The following SYT9 variants were observed in gnomAD, a reference collection of about 807,000 sequenced individuals.
The protein encoded by SYT9 is synaptotagmin 9.
A neutral mutation model predicts 48.4 loss-of-function variants in SYT9; 22 were observed. The observed-to-expected ratio is 0.45, with a 90% CI of 0.32 to 0.65. The LOEUF is 0.65. Ranked by LOEUF, SYT9 falls within the 30% of genes least tolerant of loss-of-function variation. The pLI is 0.03. For synonymous variants in SYT9, 265 were observed against 245.0 expected (o/e 1.08, Z -0.76); for missense variants, 577 against 622.0 (o/e 0.93, Z 0.77).
intron 2 of SYT9, among the ~76,000 whole-genome samples, chr11:7,308,919 T>A (rs1046357078): frequency 1.7e-4 from 26 of 152,212 alleles, no homozygotes; most frequent in Admixed American, 1.7e-3. Flanking sequence ...TTAATTCACA[T>A]CTGAGGAAAG....
At chr11:7,457,284 C>A (rs1337089854) in intron 6 of SYT9, 1 of 152,198 alleles carries the variant, frequency 6.6e-6, no homozygotes, top group Non-Finnish European at 1.5e-5. Context: ...TCTGAAGATC[C>A]TGTGGTATGA....
chr11:7,371,433 T>C lies in SYT9; in HGVS notation c.1045-44609T>C, dbSNP rs190543772. Among the ~76,000 whole-genome samples, 343 of 152,250 alleles carry C rather than the reference T, an allele frequency of 2.3e-3. 2 individuals carry two copies. The highest frequency in any genetic ancestry group is 4.9e-3 in the Admixed American group (75 of 15,288). The stretch of plus-strand genomic sequence containing the variant: ...CATAATTTTTAAGATTTTTTCTATG[T>C]ACATTATATTTTTGCTGCCATTGAG... On this transcript the variant is annotated intron_variant, in intron 3 of 6. Coordinates refer to ENST00000318881, the MANE Select transcript of SYT9 (RefSeq NM_175733.4).
intron 1 of SYT9, among the ~76,000 whole-genome samples, chr11:7,284,142 A>C (rs1400297878): frequency 6.6e-6 from 1 of 152,172 alleles, no homozygotes; most frequent in African/African-American, 2.4e-5. Flanking sequence ...TAAACAAGGA[A>C]AGCATCTTTT....
At chr11:7,432,148 T>G (rs192168204) in intron 6 of SYT9, among the ~76,000 whole-genome samples, 1 of 152,304 alleles carries the variant, frequency 6.6e-6, no homozygotes, top group African/African-American at 2.4e-5. Flanking sequence ...GGGCCAACCC[T>G]GCAAAACCAT....
chr11:7,411,127 T>A lies in SYT9; in HGVS notation c.1045-4915T>A, dbSNP rs538784535. On this transcript the variant is annotated intron_variant, in intron 3 of 6. Transcript: ENST00000318881. ...GCCTCGGCATCCCAAAATGCTAGGA[T>A]TGCAGGTGTGAGCCACCATGCCCGG... is the stretch of plus-strand genomic sequence containing the variant. Among the ~76,000 whole-genome samples the A allele has an allele frequency of 5.1e-4, 77 of 152,380 alleles. 1 individual carries two copies. Among genetic ancestry groups the A allele is most frequent in the Admixed American group, 1.0e-3 (16 of 15,310 alleles).
intron 1 of SYT9, among the ~76,000 whole-genome samples, chr11:7,267,403 G>A (rs1050198703): frequency 1.4e-4 from 21 of 151,594 alleles, no homozygotes; most frequent in Admixed American, 3.3e-4. Context: ...GGTAAAAATC[G>A]CATGGGCCAC....
chr11:7,298,949 C>G (rs1404109159), intron 1 of SYT9, among the ~76,000 whole-genome samples: 1 of 152,168 alleles, frequency 6.6e-6, no homozygotes, highest in Non-Finnish European at 1.5e-5. Context: ...GGATTTGGAT[C>G]AGAACTGGTT....
intron 1 of SYT9, among the ~76,000 whole-genome samples, chr11:7,255,707 A>T (rs1032881585): frequency 1.3e-5 from 2 of 152,190 alleles, no homozygotes; most frequent in East Asian, 3.9e-4. Context: ...TTCCATGTAC[A>T]AGTAGAAGTC....
At chr11:7,341,572 A>T (rs982758188) in intron 3 of SYT9, among the ~76,000 whole-genome samples, 1 of 152,166 alleles carries the variant, frequency 6.6e-6, no homozygotes, top group South Asian at 2.1e-4. Flanking sequence ...CCTCAGCCAT[A>T]TGGAACTGAA....
chr11:7,447,502 TC>T (rs1847956077), intron 6 of SYT9, among the ~76,000 whole-genome samples: 1 of 152,194 alleles, frequency 6.6e-6, no homozygotes, highest in South Asian at 2.1e-4. Context: ...TACACAAAGC[TC>T]CCTCACAAAC....
intron 1 of SYT9, among the ~76,000 whole-genome samples, chr11:7,273,760 A>AT (rs1848337728): frequency 6.6e-6 from 1 of 152,204 alleles, no homozygotes; most frequent in Non-Finnish European, 1.5e-5. Flanking sequence ...TACTGGATTT[A>AT]TTTTAAAATC....
chr11:7,449,703 T>C (rs1161233556), intron 6 of SYT9, among the ~76,000 whole-genome samples: 1 of 152,142 alleles, frequency 6.6e-6, no homozygotes. Context: ...CAAAGTCTGC[T>C]TCACCCACAG....
At chr11:7,328,201 A>G (rs1473151478) in intron 3 of SYT9, among the ~76,000 whole-genome samples, 1 of 151,956 alleles carries the variant, frequency 6.6e-6, no homozygotes, top group African/African-American at 2.4e-5. Flanking sequence ...TGTTGTAAGC[A>G]AAGTATAGCT....
intron 1 of SYT9, among the ~76,000 whole-genome samples, chr11:7,282,926 G>GCACACACACACACACA (rs151278873): frequency 7.4e-6 from 1 of 135,654 alleles, no homozygotes; most frequent in African/African-American, 2.7e-5. Flanking sequence ...ACACACACAC[G>GCACACACACACACACA]CACACACACA....
intron 3 of SYT9, among the ~76,000 whole-genome samples, chr11:7,330,583 GTCTA>G (rs1410817393): frequency 2.0e-5 from 3 of 152,180 alleles, no homozygotes; most frequent in South Asian, 4.1e-4. Context: ...AAATATTTCT[GTCTA>G]TCTAGGAAGA....
At chr11:7,457,961 T>G (rs1311589749) in intron 6 of SYT9, 1 of 152,250 alleles carries the variant, frequency 6.6e-6, no homozygotes, top group Non-Finnish European at 1.5e-5. Context: ...GTAAGAATTC[T>G]GTTCAAGTAA....
At chr11:7,270,920 C>A (rs1042519418) in intron 1 of SYT9, among the ~76,000 whole-genome samples, 4 of 151,670 alleles carry the variant, frequency 2.6e-5, no homozygotes, top group Non-Finnish European at 5.9e-5. Flanking sequence ...TTGCAGGTAA[C>A]TGCAAAGCCT....
rs1035518249 is a variant in SYT9 at position 7,382,145 on chromosome 11, G to A, written c.1045-33897G>A. ...GGCTCCCTTCTATGCTGTGCAACTCGTGTATGACATAGGATCCTATGATAT... is the reference window on the plus strand; with the variant it reads ...GGCTCCCTTCTATGCTGTGCAACTCATGTATGACATAGGATCCTATGATAT... On this transcript the variant is annotated intron_variant, in intron 3 of 6. Coordinates refer to ENST00000318881, the MANE Select transcript of SYT9 (RefSeq NM_175733.4). 4.6e-5 allele frequency among the ~76,000 whole-genome samples: 7 copies of A among 152,138 alleles called. No homozygotes were observed. The South Asian group carries it at 1.0e-3, about 22-fold the overall frequency.
chr11:7,353,860 A>G (rs560310383), intron 3 of SYT9, among the ~76,000 whole-genome samples: 8 of 152,338 alleles, frequency 5.3e-5, no homozygotes, highest in African/African-American at 1.7e-4. Context: ...ATATTCATGT[A>G]TTATTTGACT....
Sources: gnomAD v4.1 joint callset for allele counts (sites outside exome capture counted in the v4.1 genomes callset) on GRCh38, gnomAD v4.1.1 for gene constraint, MANE v1.5 for transcripts, NCBI Gene and HGNC (gene_info 2026-07-23, HGNC 2026-07-21) for gene names.